Variants in IFT74 observed in about 807,000 individuals in gnomAD.
The protein encoded by IFT74 is intraflagellar transport 74.
A neutral mutation model predicts 96.7 loss-of-function variants in IFT74; 92 were observed. The observed-to-expected ratio is 0.95, with a 90% confidence interval of 0.80 to 1.13. The LOEUF (loss-of-function observed/expected upper bound fraction) is 1.13, where lower values mean the gene tolerates loss of function less well. Among genes scored for constraint, IFT74 ranks in the 50% most tolerant of loss-of-function variants. IFT74 has a pLI of 0.00. For missense variants in IFT74, 811 were observed against 698.2 expected, an observed-to-expected ratio of 1.16 and a Z score of -1.82; for synonymous variants, 223 against 213.2, an observed-to-expected ratio of 1.05 and a Z score of -0.40.
chr9:26,968,209 A>G (rs1330529443), intron 2 of IFT74, among the ~76,000 whole-genome samples: 2 of 151,792 alleles, frequency 1.3e-5, no homozygotes, highest in Non-Finnish European at 2.9e-5. Context: ...TCAGCAGTGA[A>G]GTCATCAGGT....
intron 19 of IFT74, chr9:27,060,908 G>C: frequency 5.5e-6 from 1 of 181,718 alleles, no homozygotes; most frequent in Non-Finnish European, 1.1e-5. Context: ...CTCTCAGTGA[G>C]CCGAGATGGC....
intron 10 of IFT74, among the ~76,000 whole-genome samples, chr9:27,012,244 A>G (rs964995008): frequency 6.6e-6 from 1 of 152,176 alleles, no homozygotes; most frequent in Non-Finnish European, 1.5e-5. Context: ...TTTTTTAGAG[A>G]CAGAGTCTTT....
intron 2 of IFT74, among the ~76,000 whole-genome samples, chr9:26,969,378 A>G (rs1161629338): frequency 6.6e-6 from 1 of 151,686 alleles, no homozygotes; most frequent in Admixed American, 6.6e-5. Flanking sequence ...ATGTATGTAT[A>G]GCTACTCCTG....
intron 1 of IFT74, among the ~76,000 whole-genome samples, chr9:26,960,080 C>A (rs370058953): frequency 6.6e-6 from 1 of 152,146 alleles, no homozygotes; most frequent in South Asian, 2.1e-4. Flanking sequence ...TCACTAGTGA[C>A]TTCTTGAATG....
chr9:27,018,718 T>A, intron 12 of IFT74, 31 bp downstream of exon 12: 2 of 1,356,494 alleles, frequency 1.5e-6, no homozygotes, highest in Non-Finnish European at 2.0e-6. Flanking sequence ...ACATTTTACA[T>A]CCATTTCTCA....
intron 13 of IFT74, chr9:27,036,923 T>C: frequency 5.5e-6 from 4 of 733,612 alleles, no homozygotes; most frequent in Non-Finnish European, 6.7e-6. Context: ...CATGATAAAA[T>C]GCTTGCAGAG....
intron 12 of IFT74, among the ~76,000 whole-genome samples, chr9:27,023,740 G>A (rs1462609713): frequency 1.3e-5 from 2 of 152,108 alleles, no homozygotes; most frequent in African/African-American, 4.8e-5. Context: ...CAGCAGCAGA[G>A]GCTGCCATCT....
chr9:26,997,946 A>G, intron 8 of IFT74: 1 of 1,613,944 alleles, frequency 6.2e-7, no homozygotes, highest in African/African-American at 1.3e-5. Flanking sequence ...GCAGAGATAT[A>G]ACTGTTTTAG....
chr9:27,057,405 G>A (rs968129114), intron 18 of IFT74, among the ~76,000 whole-genome samples: 3 of 151,526 alleles, frequency 2.0e-5, no homozygotes, highest in Non-Finnish European at 4.4e-5. Context: ...TTGGCACATA[G>A]TAGGTACTCA....
In IFT74 at chr9:27,036,432, C is replaced by T. The variant is rs75922461; in HGVS notation, c.1054+7328C>T. 1.3e-5 allele frequency: 21 copies of T among 1,612,646 alleles called. No homozygotes were observed. In the East Asian group the frequency reaches 2.5e-4, roughly 19 times the overall value. On this transcript the variant is annotated intron_variant, in intron 13 of 19. Transcript: ENST00000380062. ...TAATATAGTCAATTCTTTGTACCCA[C>T]GGGTTCTTCATCTGCAGATCCTACC...
chr9:27,053,161 CTTTTTTTTTT>C (rs58085385), intron 16 of IFT74, among the ~76,000 whole-genome samples: 2 of 50,590 alleles, frequency 4.0e-5, no homozygotes, highest in East Asian at 8.1e-4. Context: ...CGCGCCTGGC[CTTTTTTTTTT>C]TTTTTTTTTT....
intron 14 of IFT74, among the ~76,000 whole-genome samples, chr9:27,045,656 T>G (rs571509828): frequency 2.0e-5 from 3 of 152,296 alleles, no homozygotes; most frequent in Non-Finnish European, 4.4e-5. Context: ...TTGGCATGTA[T>G]TCTCAATTAC....
intron 12 of IFT74, among the ~76,000 whole-genome samples, chr9:27,021,725 A>G (rs1227217583): frequency 6.6e-6 from 1 of 151,756 alleles, no homozygotes; most frequent in African/African-American, 2.4e-5. Flanking sequence ...TAGATTCTAG[A>G]TATTAGCCCT....
At chr9:26,976,885 A>G in intron 2 of IFT74, 3 of 427,118 alleles carry the variant, frequency 7.0e-6, no homozygotes, top group Non-Finnish European at 1.4e-5. Context: ...AATCTTGTTG[A>G]GTAATAATAT....
At chr9:26,952,754 A>G (rs952295398), upstream of IFT74, among the ~76,000 whole-genome samples, 1 of 152,188 alleles carries the variant, frequency 6.6e-6, no homozygotes, top group Non-Finnish European at 1.5e-5. Flanking sequence ...AACATTGAAT[A>G]CTTACTCACC....
chr9:26,993,326 A>G (rs1475961030), intron 8 of IFT74: 2 of 152,196 alleles, frequency 1.3e-5, no homozygotes, highest in African/African-American at 4.8e-5. Flanking sequence ...GTTTAGAAAA[A>G]GATATTTTAT....
chr9:26,993,174 C>A (rs1296175892), intron 8 of IFT74: 1 of 151,874 alleles, frequency 6.6e-6, no homozygotes, highest in Non-Finnish European at 1.5e-5. Flanking sequence ...TATTGAATAC[C>A]CCATATTCAA....
rs1830219428 is a variant in IFT74 at position 27,033,517 on chromosome 9, C to G, written c.1054+4413C>G. Among the ~76,000 whole-genome samples the G allele has an allele frequency of 2.7e-5, 4 of 150,346 alleles. 1 individual carries two copies. The South Asian group carries it at 8.5e-4, about 32-fold the overall frequency. On this transcript the variant is annotated intron_variant, in intron 13 of 19. Coordinates refer to ENST00000380062, the MANE Select transcript of IFT74 (RefSeq NM_025103.4). ...GAGGCTGCAGTAAGCCGAAATCACT[C>G]CAACCAAAATCATGCCACTGCACTT...
chr9:27,025,250 C>T (rs1829803671), intron 12 of IFT74, among the ~76,000 whole-genome samples: 1 of 151,798 alleles, frequency 6.6e-6, no homozygotes, highest in African/African-American at 2.4e-5. Context: ...CAAGAGCAGC[C>T]TGGCCAATAA....
Sources: allele counts gnomAD v4.1 joint callset (sites outside exome capture counted in the v4.1 genomes callset), GRCh38; gene constraint gnomAD v4.1.1; transcripts MANE v1.5; gene names NCBI Gene and HGNC (gene_info 2026-07-23, HGNC 2026-07-21).